The following CDC34 variants were observed in gnomAD, a reference collection of about 807,000 sequenced individuals.
CDC34 encodes the protein cell division cycle 34, ubiquitin conjugating enzyme, also known as ubiquitin-conjugating enzyme E2 R1.
Under a neutral mutation model 26.8 loss-of-function variants are expected in CDC34, and 18 were observed. The observed-to-expected ratio is 0.67, with a 90% CI of 0.47 to 1.00. CDC34 has a LOEUF of 1.00. Ranked by LOEUF, CDC34 falls within the 50% of genes least tolerant of loss-of-function variation. The pLI is 0.00. For synonymous variants in CDC34, 178 were observed against 147.5 expected, an observed-to-expected ratio of 1.21 and a Z score of -1.50; for missense variants, 280 against 334.5, an observed-to-expected ratio of 0.84 and a Z score of 1.27.
At chr19:533,239 C>T (rs1979579157) in intron 1 of CDC34, among the ~76,000 whole-genome samples, 1 of 152,182 alleles carries the variant, frequency 6.6e-6, no homozygotes, top group African/African-American at 2.4e-5. Flanking sequence ...CCCCCTCCCA[C>T]CGTCACTTCC....
At position 531,928 on chromosome 19, in the gene CDC34, C is replaced by G; in HGVS notation, c.-4C>G. On this transcript the variant is annotated 5_prime_UTR_variant, in exon 1 of 5. Transcript: ENST00000215574. Reference sequence around the variant, plus strand: ...CTCCGACCCCGGGCCCCTCCGCCGCCGCCATGGCTCGGCCGCTAGTGCCCA... The same window carrying G: ...CTCCGACCCCGGGCCCCTCCGCCGCGGCCATGGCTCGGCCGCTAGTGCCCA... 7.0e-7 allele frequency: 1 copy of G among 1,421,606 alleles called. No homozygotes were observed. Among genetic ancestry groups the G allele is most frequent in the Middle Eastern group, 2.1e-4 (1 of 4,790 alleles). The allele number at this position is 1,421,606 out of a possible 1,614,324, so 88.1% of individuals were successfully genotyped here. A position where few individuals can be genotyped will look rare whatever the true frequency, so the allele number is the denominator to read the frequency against.
intron 2 of CDC34, 38 bp from the exon 3 acceptor site, chr19:536,205 A>AC (rs1568330319): frequency 4.6e-6 from 7 of 1,526,350 alleles, no homozygotes; most frequent in Non-Finnish European, 6.3e-6. Context: ...GCCCGTGCTG[A>AC]CCTCTGACCT....
intron 4 of CDC34, chr19:538,978 A>C: frequency 1.0e-6 from 1 of 985,114 alleles, no homozygotes; most frequent in Non-Finnish European, 1.2e-6. Flanking sequence ...TCCCTGAGGC[A>C]CCACCTCCTT....
intron 2 of CDC34, 112 bp from the exon 3 acceptor site, chr19:536,131 G>C: frequency 1.1e-6 from 1 of 917,378 alleles, no homozygotes; most frequent in African/African-American, 1.6e-5. Flanking sequence ...CGGGACCCGG[G>C]GCGCTGGGAG....
In CDC34 at chr19:541,382, G is replaced by A. The variant is rs76720850; in HGVS notation, c.541G>A (p.Val181Met). Residue 181 changes from valine (V) to methionine (M), a missense_variant, in exon 5 of 5, where the codon GTG (valine) becomes ATG (methionine). Transcript: ENST00000215574. ...CAAGGTGGACGCGGAGCGTGACGGC[G>A]TGAAGGTGCCCACCACGCTGGCCGA... ...GTKVDAERDG[V>M]KVPTTLAEYC... 15 of 1,608,922 alleles carry A rather than the reference G, an allele frequency of 9.3e-6. No individual in the cohort carries two copies. Among genetic ancestry groups the A allele is most frequent in the African/African-American group, 1.3e-5 (1 of 74,870 alleles).
rs750860829 is a variant in CDC34 at position 541,423 on chromosome 19, C to T, written c.582C>T (p.Thr194=). 5 of 1,612,490 alleles carry T rather than the reference C, an allele frequency of 3.1e-6. No homozygotes were observed. Among genetic ancestry groups the T allele is most frequent in the Non-Finnish European group, 3.4e-6 (4 of 1,179,874 alleles). Residue 194 remains threonine (T), a synonymous_variant, in exon 5 of 5, where the codon ACC becomes ACT. Coordinates refer to ENST00000215574, the MANE Select transcript of CDC34 (RefSeq NM_004359.2). ...CGCTGGCCGAGTACTGCGTGAAGAC[C>T]AAGGCGCCGGCGCCCGACGAGGGCT... ...PTTLAEYCVK[T]KAPAPDEGSD... is the part of the protein sequence containing the mutation.
Position 541,114 on chromosome 19 carries a change from C to T in CDC34, c.498-225C>T, listed in dbSNP as rs934595258. ...GGCAGGCGGGTGTGACTGCACTGCG[C>T]CCGTCCAGCCTCCCACCCGCACCTC... On this transcript the variant is annotated intron_variant, in intron 4 of 4. Transcript: ENST00000215574. The T allele has an allele frequency of 1.2e-3, 654 of 551,184 alleles. 6 individuals are homozygous for T. Among genetic ancestry groups the T allele is most frequent in the Non-Finnish European group, 1.4e-4 (46 of 319,486 alleles). 34.1% of individuals were successfully genotyped at this position (551,184 alleles called of 1,614,324 possible).
At chr19:533,652 G>T (rs2145845574) in intron 1 of CDC34, among the ~76,000 whole-genome samples, 1 of 152,372 alleles carries the variant, frequency 6.6e-6, no homozygotes, top group African/African-American at 2.4e-5. Flanking sequence ...AGGGGATGGG[G>T]GTTTCTGGCT....
intron 2 of CDC34, 108 bp from the exon 3 acceptor site, chr19:536,135 C>T (rs1432483867): frequency 2.1e-5 from 20 of 960,758 alleles, no homozygotes; most frequent in Non-Finnish European, 3.1e-5. Flanking sequence ...ACCCGGGGCG[C>T]TGGGAGCCTC....
intron 1 of CDC34, among the ~76,000 whole-genome samples, chr19:532,858 C>T (rs548379087): frequency 6.6e-6 from 1 of 152,362 alleles, no homozygotes; most frequent in South Asian, 2.1e-4. Context: ...CCGGCTCGGG[C>T]CCGCGTCCCG....
At chr19:532,173 C>T (rs1979519206) in intron 1 of CDC34, 65 bp downstream of exon 1, 1 of 1,306,224 alleles carries the variant, frequency 7.7e-7, no homozygotes, top group East Asian at 3.1e-5. Flanking sequence ...CGGGAACCAG[C>T]TCCCTGCCCC....
rs16989771 is a variant in CDC34, at chr19:532,184, G to A, written c.177+76G>A. 1,002 of 1,227,230 alleles carry A rather than the reference G, an allele frequency of 8.2e-4. 5 individuals are homozygous for A. In the African/African-American group the frequency reaches 0.015, roughly 18 times the overall value. The allele number at this position is 1,227,230 out of a possible 1,614,324, so 76.0% of individuals were successfully genotyped here. On this transcript the variant is annotated intron_variant, in intron 1 of 4. Coordinates refer to ENST00000215574, the MANE Select transcript of CDC34 (RefSeq NM_004359.2). ...GCGCCGGGAACCAGCTCCCTGCCCCGCGGTCCTAGCGCTGTTGCTGGGCGG... is the reference window on the plus strand; with the variant it reads ...GCGCCGGGAACCAGCTCCCTGCCCCACGGTCCTAGCGCTGTTGCTGGGCGG...
In CDC34 at chr19:541,599, C is replaced by G. The variant is rs191947256; in HGVS notation, c.*47C>G. On this transcript the variant is annotated 3_prime_UTR_variant, in exon 5 of 5. Transcript: ENST00000215574. The stretch of plus-strand genomic sequence containing the variant: ...GAGTTTACCTCACTAGGGCCGGACC[C>G]GTGGCTCCTTAGACGACAGACTACC... 6.6e-7 allele frequency: 1 copy of G among 1,512,942 alleles called. No individual in the cohort carries two copies. Among genetic ancestry groups the G allele is most frequent in the South Asian group, 1.3e-5 (1 of 75,792 alleles). The allele number at this position is 1,512,942 out of a possible 1,614,324, so 93.7% of individuals were successfully genotyped here.
intron 1 of CDC34, among the ~76,000 whole-genome samples, chr19:533,186 C>G (rs576472281): frequency 1.4e-4 from 21 of 152,228 alleles, no homozygotes; most frequent in Admixed American, 9.8e-4. Context: ...AAGCGAGGGG[C>G]CCTGTGTGAG....
chr19:536,013 G>A (rs1002660894), intron 2 of CDC34, 90 bp downstream of exon 2: 3 of 1,312,526 alleles, frequency 2.3e-6, no homozygotes, highest in East Asian at 4.6e-5. Context: ...GGGACCCGGG[G>A]CGCTGGGAGC....
intron 4 of CDC34, among the ~76,000 whole-genome samples, chr19:538,503 C>T (rs983734923): frequency 6.6e-6 from 1 of 150,974 alleles, no homozygotes; most frequent in Non-Finnish European, 1.5e-5. Flanking sequence ...ATGGTTCCTG[C>T]TCTTCCTGTT....
At chr19:536,416 TCAGGTAGGCCGGGCTCCCCCA>T (rs1979754538) in intron 3 of CDC34, 76 bp downstream of exon 3, 1 of 1,170,268 alleles carries the variant, frequency 8.5e-7, no homozygotes, top group African/African-American at 1.6e-5. Context: ...ACCCAGACCA[TCAGGTAGGCCGGGCTCCCCCA>T]CAGGCTGTGG....
Position 535,839 on chromosome 19 carries a change from G to A in CDC34, c.180G>A (p.Ala60=), listed in dbSNP as rs16990554. 579 of 1,613,370 alleles carry A rather than the reference G, an allele frequency of 3.6e-4. 4 individuals are homozygous for A. In the South Asian group the frequency reaches 5.0e-3, roughly 14 times the overall value. ...CCACCTGCCTTCTGCCCCTGCAGGC[G>A]CGCCTCAAGTTCCCCATCGACTACC... ...NTYYEGGYFK[A]RLKFPIDYPY... The change falls in exon 2 of 5, where the codon GCG becomes GCA. Residue 60 remains alanine (A), a splice_region_variant and synonymous_variant. Coordinates refer to ENST00000215574, the MANE Select transcript of CDC34 (RefSeq NM_004359.2).
At chr19:538,176 G>A (rs1489846925) in intron 4 of CDC34, among the ~76,000 whole-genome samples, 1 of 152,258 alleles carries the variant, frequency 6.6e-6, no homozygotes, top group Non-Finnish European at 1.5e-5. Flanking sequence ...GGGTCGTGCT[G>A]TGTGTGCCCA....
Sources: gnomAD v4.1 joint callset for allele counts (sites outside exome capture counted in the v4.1 genomes callset) on GRCh38, gnomAD v4.1.1 for gene constraint, MANE v1.5 for transcripts, NCBI Gene and HGNC (gene_info 2026-07-23, HGNC 2026-07-21) for gene names.